ST3GAL5: variants seen among roughly 807,000 people sequenced by gnomAD.
ST3GAL5 encodes ST3 beta-galactoside alpha-2,3-sialyltransferase 5, also known as lactosylceramide alpha-2,3-sialyltransferase.
ST3GAL5 carries 25 observed loss-of-function variants against 46.1 expected under a neutral mutation model. The observed-to-expected ratio is 0.54, with a 90% CI of 0.40 to 0.76. The LOEUF is 0.76. ST3GAL5 is among the 30% of genes least tolerant of loss of function. The pLI is 0.00. For missense variants in ST3GAL5, 431 were observed against 521.2 expected, an observed-to-expected ratio of 0.83 and a Z score of 1.69; for synonymous variants, 182 against 192.7, an observed-to-expected ratio of 0.94 and a Z score of 0.46.
intron 1 of ST3GAL5, among the ~76,000 whole-genome samples, chr2:85,884,754 G>A (rs1573732138): frequency 6.6e-6 from 1 of 152,326 alleles, no homozygotes; most frequent in East Asian, 1.9e-4. Flanking sequence ...CTGAGGAGGA[G>A]AGAGGAAGGC....
chr2:85,887,054 C>A (rs189036654), intron 1 of ST3GAL5, among the ~76,000 whole-genome samples: 1 of 152,250 alleles, frequency 6.6e-6, no homozygotes, highest in East Asian at 1.9e-4. Context: ...AAGACACCCA[C>A]CTCAGCCCTC....
rs541709417 is a variant in ST3GAL5 at position 85,870,139 on chromosome 2, CAT to C, written c.83-6656_83-6655del. The C allele has an allele frequency of 1.2e-3, 545 of 463,352 alleles. 1 individual carries two copies. Among genetic ancestry groups the C allele is most frequent in the Non-Finnish European group, 2.0e-3 (432 of 221,080 alleles). The allele number at this position is 463,352 out of a possible 1,614,324, so 28.7% of individuals were successfully genotyped here. ...TTTCTTTATAACACTAATCATGAGACATGTGATTCTTCATAAGTTTTTTACTT... is the reference window on the plus strand; with the variant it reads ...TTTCTTTATAACACTAATCATGAGACGTGATTCTTCATAAGTTTTTTACTT... On this transcript the variant is annotated intron_variant, in intron 1 of 6. Coordinates refer to ENST00000638572, the MANE Select transcript of ST3GAL5 (RefSeq NM_003896.4).
intron 3 of ST3GAL5, chr2:85,848,416 C>G: frequency 6.6e-7 from 1 of 1,525,802 alleles, no homozygotes; most frequent in Non-Finnish European, 8.8e-7. Context: ...ATAAACACAG[C>G]AGGGTATTCA....
At chr2:85,844,829 G>A (rs1682586554) in intron 5 of ST3GAL5, 2 of 495,288 alleles carry the variant, frequency 4.0e-6, no homozygotes, top group East Asian at 3.9e-5. Flanking sequence ...TTCCTCAATG[G>A]TGCTAACACC....
At chr2:85,866,483 G>A (rs1430978961) in intron 1 of ST3GAL5, among the ~76,000 whole-genome samples, 1 of 152,186 alleles carries the variant, frequency 6.6e-6, no homozygotes, top group Non-Finnish European at 1.5e-5. Context: ...TTCAGATTCT[G>A]TGACTCCATG....
chr2:85,849,369 C>A (rs1274443494), intron 3 of ST3GAL5: 1 of 152,526 alleles, frequency 6.6e-6, no homozygotes, highest in African/African-American at 2.4e-5. Flanking sequence ...GCCTGGGTGA[C>A]AGAGGGAGAC....
intron 3 of ST3GAL5, chr2:85,848,623 G>C (rs967946688): frequency 8.6e-6 from 3 of 348,144 alleles, no homozygotes; most frequent in Non-Finnish European, 5.6e-6. Flanking sequence ...GACAAATACT[G>C]TATGACCTGA....
chr2:85,861,319 G>T (rs1217749360), intron 2 of ST3GAL5, 27 bp from the exon 3 acceptor site: 2 of 1,406,126 alleles, frequency 1.4e-6, no homozygotes, highest in Non-Finnish European at 2.0e-6. Context: ...TAGGTATTAT[G>T]ATGTAGTCAT....
At chr2:85,864,974 G>A (rs570853875) in intron 1 of ST3GAL5, among the ~76,000 whole-genome samples, 30 of 152,256 alleles carry the variant, frequency 2.0e-4, no homozygotes, top group African/African-American at 6.7e-4. Context: ...ACTGAAATAT[G>A]GACCATGATC....
intron 3 of ST3GAL5, among the ~76,000 whole-genome samples, chr2:85,851,862 C>T (rs537897673): frequency 2.4e-4 from 36 of 152,320 alleles, no homozygotes; most frequent in African/African-American, 8.2e-4. Flanking sequence ...CAAGAACTCC[C>T]GTTCGTCTTA....
At chr2:85,872,910 T>C (rs1391618381) in intron 1 of ST3GAL5, among the ~76,000 whole-genome samples, 1 of 152,076 alleles carries the variant, frequency 6.6e-6, no homozygotes, top group Non-Finnish European at 1.5e-5. Flanking sequence ...GAAGACAGTG[T>C]TGGGATGCAT....
intron 3 of ST3GAL5, among the ~76,000 whole-genome samples, chr2:85,859,687 C>A (rs1308057998): frequency 2.6e-5 from 4 of 151,758 alleles, no homozygotes; most frequent in African/African-American, 9.7e-5. Flanking sequence ...CCTGTCTGTA[C>A]CACAAAAAAA....
chr2:85,883,465 T>C (rs570199215), intron 1 of ST3GAL5, among the ~76,000 whole-genome samples: 2 of 152,056 alleles, frequency 1.3e-5, no homozygotes, highest in Non-Finnish European at 2.9e-5. Context: ...CAGTCTGGGG[T>C]ATCTCTTTAT....
chr2:85,872,482 C>A (rs55656327), intron 1 of ST3GAL5, among the ~76,000 whole-genome samples: 17,038 of 151,692 alleles, frequency 0.11, 1,029 homozygotes, highest in East Asian at 0.23. Flanking sequence ...ACTTGGGAGG[C>A]TGAGGCAGAA....
At position 85,844,519 on chromosome 2, in the gene ST3GAL5, C is replaced by T; in HGVS notation, c.885G>A (p.Val295=). 6.2e-7 allele frequency: 1 copy of T among 1,614,014 alleles called. No homozygotes were observed. The highest frequency in any genetic ancestry group is 8.5e-7 in the Non-Finnish European group (1 of 1,180,002). ...FWVRLFFWKQ[V]AEKIPLQPKH... is the part of the protein sequence containing the mutation. ...TTGGCTGCAGTGGGATTTTTTCTGC[C>T]ACCTGCTTCCAAAAGAAGAGTCGTA... The change falls in exon 6 of 7, where the codon GTG becomes GTA. Residue 295 remains valine (V), a synonymous_variant. Transcript: ENST00000638572.
chr2:85,840,310 TCATATCCAAAA>T lies in ST3GAL5; in HGVS notation c.1080_1090del (p.Phe361ProfsTer26). On this transcript the variant is annotated frameshift_variant, in exon 7 of 7. Coordinates refer to ENST00000638572, the MANE Select transcript of ST3GAL5 (RefSeq NM_003896.4). LOFTEE classifies it high-confidence loss of function. ...CAAAGGTGTTCTGGGTTGATTGAGG[TCATATCCAAAA>T]CCCGCCAAACTGACTTCATCGCACA... 1 of 1,613,882 alleles carries T rather than the reference TCATATCCAAAA, an allele frequency of 6.2e-7. No homozygotes were observed.
At chr2:85,880,773 A>G (rs902827894) in intron 1 of ST3GAL5, 2 of 459,226 alleles carry the variant, frequency 4.4e-6, no homozygotes, top group Middle Eastern at 7.3e-4. Context: ...GCAGTGAGCC[A>G]AGATGGTGCC....
At position 85,840,365 on chromosome 2, in the gene ST3GAL5, C is replaced by T. The variant is rs145738225; in HGVS notation, c.1036G>A (p.Val346Ile). The part of the protein sequence containing the change: ...KNVPTIGVIA[V>I]VLATHLCDEV... ...TCGCACAGATGTGTGGCTAAGACAA[C>T]GGCAATGACACCGATTGTGGGGACG... The change falls in exon 7 of 7, where the codon GTT becomes ATT. Residue 346 changes from valine (V) to isoleucine (I), a missense_variant. By Grantham distance (29) the Val-to-Ile change is conservative. Transcript: ENST00000638572. 1.3e-4 allele frequency: 203 copies of T among 1,614,006 alleles called. 1 individual carries two copies. The East Asian group carries it at 1.8e-3, about 14-fold the overall frequency.
chr2:85,872,757 G>A (rs955686568), intron 1 of ST3GAL5, among the ~76,000 whole-genome samples: 8 of 152,112 alleles, frequency 5.3e-5, no homozygotes, highest in African/African-American at 1.2e-4. Context: ...CCTGGTACCC[G>A]TGCACCTAGA....
Sources: gnomAD v4.1 joint callset for allele counts (sites outside exome capture counted in the v4.1 genomes callset) on GRCh38, gnomAD v4.1.1 for gene constraint, MANE v1.5 for transcripts, NCBI Gene and HGNC (gene_info 2026-07-23, HGNC 2026-07-21) for gene names.